The following MAML3 variants were observed in gnomAD, a reference collection of about 807,000 sequenced individuals.
The protein encoded by MAML3 is mastermind like transcriptional coactivator 3.
In MAML3, 27 loss-of-function variants were observed where a neutral mutation model predicts 101.9. The ratio of observed to expected loss-of-function variants is 0.27; its 90% CI spans 0.20 to 0.37. MAML3 has a LOEUF of 0.37. MAML3 is among the 10% of genes least tolerant of loss of function. MAML3 has a pLI of 1.00. For missense variants in MAML3, 1,316 were observed against 1,444.9 expected (o/e 0.91, Z 1.45); for synonymous variants, 501 against 555.9 (o/e 0.90, Z 1.39).
At chr4:139,824,489 G>A (rs1487583909) in intron 2 of MAML3, among the ~76,000 whole-genome samples, 4 of 152,094 alleles carry the variant, frequency 2.6e-5, no homozygotes, top group African/African-American at 9.7e-5. Context: ...GGACTGTCTT[G>A]GGACGATTAT....
intron 1 of MAML3, among the ~76,000 whole-genome samples, chr4:139,902,866 T>C (rs756846266): frequency 7.2e-4 from 110 of 152,354 alleles, no homozygotes; most frequent in Middle Eastern, 6.8e-3. Flanking sequence ...TGACCAAGGC[T>C]GAGCCCGGGT....
In MAML3 at chr4:139,720,316, G is replaced by A; in HGVS notation, c.2424C>T (p.Pro808=). ...GGCTTCTTACGGCTGCTATATCCTG[G>A]GGAGAACCTGCAGTGAAAAAGAGGA... ...VQQVNQFQGS[P]QDIAAVRSQA... is the part of the protein sequence containing the mutation. Residue 808 remains proline (P), a synonymous_variant, in exon 5 of 5, where the codon CCC becomes CCT. Transcript: ENST00000509479. 1 of 1,528,140 alleles carries A rather than the reference G, an allele frequency of 6.5e-7. No individual in the cohort carries two copies. The highest frequency in any genetic ancestry group is 8.8e-7 in the Non-Finnish European group (1 of 1,137,204). The allele number at this position is 1,528,140 out of a possible 1,614,324, so 94.7% of individuals were successfully genotyped here. A position where few individuals can be genotyped will look rare whatever the true frequency, so the allele number is the denominator to read the frequency against.
At chr4:140,148,416 G>A (rs550635770) in intron 1 of MAML3, among the ~76,000 whole-genome samples, 36 of 152,212 alleles carry the variant, frequency 2.4e-4, no homozygotes, top group African/African-American at 8.4e-4. Flanking sequence ...AATGCTTCTT[G>A]AGAATTAAAA....
At chr4:139,911,852 C>T (rs1008883287) in intron 1 of MAML3, among the ~76,000 whole-genome samples, 5 of 152,218 alleles carry the variant, frequency 3.3e-5, no homozygotes, top group Non-Finnish European at 5.9e-5. Context: ...GCCCCCAGAA[C>T]TGTAAGAAAT....
chr4:139,777,267 C>T (rs1172938334), intron 2 of MAML3, among the ~76,000 whole-genome samples: 2 of 152,148 alleles, frequency 1.3e-5, no homozygotes, highest in Admixed American at 6.5e-5. Flanking sequence ...TCTTTGCTCC[C>T]CACTCCTGAA....
At chr4:139,834,455 G>A (rs1731223969) in intron 2 of MAML3, among the ~76,000 whole-genome samples, 2 of 152,222 alleles carry the variant, frequency 1.3e-5, no homozygotes, top group African/African-American at 4.8e-5. Context: ...TATGTGGCCT[G>A]GGGATCCCCG....
intron 1 of MAML3, among the ~76,000 whole-genome samples, chr4:139,968,449 A>G (rs2110787368): frequency 6.6e-6 from 1 of 152,296 alleles, no homozygotes; most frequent in African/African-American, 2.4e-5. Flanking sequence ...GCTTTATCTT[A>G]GTGCCTCAGT....
chr4:139,721,588 T>C (rs1351258153), intron 4 of MAML3, among the ~76,000 whole-genome samples: 1 of 152,196 alleles, frequency 6.6e-6, no homozygotes, highest in African/African-American at 2.4e-5. Context: ...TATTGATTTC[T>C]GGGCTGCAAA....
chr4:140,011,098 G>GA (rs70943466), intron 1 of MAML3, among the ~76,000 whole-genome samples: 1,994 of 97,516 alleles, frequency 0.02, 68 homozygotes, highest in African/African-American at 0.074. Context: ...ACTCTGTCTC[G>GA]AAAAAAAAAA....
At position 139,785,658 on chromosome 4, in the gene MAML3, A is replaced by G. The variant is rs10013563; in HGVS notation, c.2080-54991T>C. Among the ~76,000 whole-genome samples the G allele has an allele frequency of 0.056, 8,485 of 152,114 alleles. 621 individuals are homozygous for G. The highest frequency in any genetic ancestry group is 0.17 in the African/African-American group (7,112 of 41,500). On this transcript the variant is annotated intron_variant, in intron 2 of 4. Transcript: ENST00000509479. The surrounding 1 kb of genome is among the most constrained non-coding windows in gnomAD (Gnocchi z 4.3). ...TGGAGAGATCTGTCCCTTCATTCAC[A>G]TATCTCTGCACTAATTTTTTTTTTC...
chr4:139,727,832 C>T (rs1239206487), intron 3 of MAML3, among the ~76,000 whole-genome samples: 1 of 152,220 alleles, frequency 6.6e-6, no homozygotes, highest in Admixed American at 6.5e-5. Context: ...AACCCAAAAT[C>T]TGTTTCCAAA....
At chr4:139,876,191 T>C (rs1732112131) in intron 2 of MAML3, among the ~76,000 whole-genome samples, 1 of 152,244 alleles carries the variant, frequency 6.6e-6, no homozygotes, top group Admixed American at 6.5e-5. Context: ...GTTAACATAA[T>C]CATATTTTAA....
At chr4:139,882,049 T>A (rs1279864273) in intron 2 of MAML3, among the ~76,000 whole-genome samples, 1 of 151,940 alleles carries the variant, frequency 6.6e-6, no homozygotes. Context: ...AAGGATAAAT[T>A]AGAGTATAGA....
intron 2 of MAML3, among the ~76,000 whole-genome samples, chr4:139,822,300 C>T (rs1730988132): frequency 7.5e-6 from 1 of 134,002 alleles, no homozygotes; most frequent in South Asian, 2.6e-4. Context: ...ATCATTGTGG[C>T]AAATATGGGA....
chr4:139,900,056 G>A (rs967500680), intron 1 of MAML3, among the ~76,000 whole-genome samples: 11 of 60,484 alleles, frequency 1.8e-4, no homozygotes, highest in African/African-American at 4.9e-4. Context: ...GGGGCACCGC[G>A]GAGCCCCCAG....
At chr4:140,152,595 A>G (rs1038216018) in intron 1 of MAML3, among the ~76,000 whole-genome samples, 16 of 151,748 alleles carry the variant, frequency 1.1e-4, no homozygotes, top group Non-Finnish European at 2.2e-4. Flanking sequence ...ACGCTCCTCT[A>G]GGCTCCCTCC....
At position 140,110,198 on chromosome 4, in the gene MAML3, G is replaced by A. The variant is rs577445678; in HGVS notation, c.468+42662C>T. Among the ~76,000 whole-genome samples, 28 of 152,226 alleles carry A rather than the reference G, an allele frequency of 1.8e-4. No individual in the cohort carries two copies. The East Asian group carries it at 4.2e-3, about 23-fold the overall frequency. ...TAAAATTTGAGTAAGGAAATCAGAC[G>A]GTAAAATGTCCTAGTTTTTGGCCTA... On this transcript the variant is annotated intron_variant, in intron 1 of 4. Transcript: ENST00000509479.
intron 2 of MAML3, among the ~76,000 whole-genome samples, chr4:139,841,718 T>A (rs555100095): frequency 6.6e-6 from 1 of 152,206 alleles, no homozygotes; most frequent in African/African-American, 2.4e-5. Flanking sequence ...GTCACACTTA[T>A]CAACAGTGAG....
intron 2 of MAML3, among the ~76,000 whole-genome samples, chr4:139,871,738 G>C (rs903760051): frequency 1.3e-5 from 2 of 151,978 alleles, no homozygotes; most frequent in African/African-American, 4.8e-5. Flanking sequence ...TTAACCCTTC[G>C]CAACCCAGTT....
Sources: allele counts gnomAD v4.1 joint callset (sites outside exome capture counted in the v4.1 genomes callset), GRCh38; gene constraint gnomAD v4.1.1; non-coding constraint Gnocchi (gnomAD v3.1); transcripts MANE v1.5; gene names NCBI Gene and HGNC (gene_info 2026-07-23, HGNC 2026-07-21).